The following OSBPL7 variants were observed in gnomAD, a reference collection of about 807,000 sequenced individuals.
OSBPL7 encodes the protein oxysterol binding protein like 7.
A neutral mutation model predicts 115.8 loss-of-function variants in OSBPL7; 66 were observed. That is an observed-to-expected ratio of 0.57 (90% CI 0.47 to 0.70). The LOEUF is 0.70. Among genes scored for constraint, OSBPL7 ranks in the 30% least tolerant of loss-of-function variants. The pLI, the probability that OSBPL7 is intolerant of heterozygous loss-of-function variation, is 0.00. For synonymous variants in OSBPL7, 441 were observed against 439.2 expected (o/e 1.00, Z -0.05); for missense variants, 902 against 1,125.5 (o/e 0.80, Z 2.84).
At position 47,813,832 on chromosome 17, in the gene OSBPL7, C is replaced by A. The variant is rs1401437832; in HGVS notation, c.1354G>T (p.Gly452Trp). Residue 452 changes from glycine to tryptophan, a missense_variant and splice_region_variant, in exon 15 of 23, where the codon GGG (glycine) becomes TGG (tryptophan). By Grantham distance (184) the Gly-to-Trp change is radical. This residue lies in a region of OSBPL7 where 667 missense variants were observed against 788.7 expected (regional missense o/e 0.85). Transcript: ENST00000007414. ...LRGAERCQKG[G>W]CVPGRPMGPP... ...CCCATGGGTCTCCCTGGAACACACC[C>A]CCCTGGGGCCGCCCTGCCATGTCAC... 1.9e-6 allele frequency: 3 copies of A among 1,605,860 alleles called. No individual in the cohort carries two copies. The highest frequency in any genetic ancestry group is 2.2e-5 in the East Asian group (1 of 44,766).
At chr17:47,821,377 C>T (rs2033390233) in intron 1 of OSBPL7, among the ~76,000 whole-genome samples, 1 of 152,172 alleles carries the variant, frequency 6.6e-6, no homozygotes, top group African/African-American at 2.4e-5. Flanking sequence ...GCAGAGGGAC[C>T]CTTGCTGCAA....
intron 1 of OSBPL7, among the ~76,000 whole-genome samples, chr17:47,821,058 G>T (rs1207068218): frequency 6.6e-6 from 1 of 152,134 alleles, no homozygotes; most frequent in East Asian, 1.9e-4. Context: ...CCCAGAGAGG[G>T]CAGGACATTG....
chr17:47,813,502 C>G (rs2033110286), intron 15 of OSBPL7, 85 bp downstream of exon 15: 2 of 1,588,454 alleles, frequency 1.3e-6, no homozygotes, highest in Non-Finnish European at 1.7e-6. Context: ...CAATAAGGAA[C>G]AGCCCAGCCA....
Position 47,819,723 on chromosome 17 carries a change from G to A in OSBPL7, c.255+6C>T, listed in dbSNP as rs773987715. ...CCCACAACCCCAAGCCACTGCCCGG[G>A]CTCACGTCTTGCCGGGTTGTTGCAT... On this transcript the variant is annotated splice_donor_region_variant and intron_variant, in intron 4 of 22. Transcript: ENST00000007414. The A allele has an allele frequency of 6.2e-7, 1 of 1,614,062 alleles. No homozygotes were observed. The highest frequency in any genetic ancestry group is 8.5e-7 in the Non-Finnish European group (1 of 1,179,996).
At chr17:47,817,547 G>C (rs1314638192) in intron 7 of OSBPL7, among the ~76,000 whole-genome samples, 188 bp from the exon 8 acceptor site, 1 of 152,048 alleles carries the variant, frequency 6.6e-6, no homozygotes, top group Non-Finnish European at 1.5e-5. Context: ...GCACCACCAT[G>C]CCTGGCTAAT....
Position 47,817,248 on chromosome 17 carries a change from G to A in OSBPL7, c.702+8C>T, listed in dbSNP as rs1459695451. ...GAGCAGGACCCTGTGTGTACCCCTGGATCTTACCTGGTGTGTGGGGATAAC... is the reference window on the plus strand; with the variant it reads ...GAGCAGGACCCTGTGTGTACCCCTGAATCTTACCTGGTGTGTGGGGATAAC... On this transcript the variant is annotated splice_region_variant and intron_variant, in intron 8 of 22. Coordinates refer to ENST00000007414, the MANE Select transcript of OSBPL7 (RefSeq NM_145798.3). 6.3e-7 allele frequency: 1 copy of A among 1,582,700 alleles called. No homozygotes were observed. Among genetic ancestry groups the A allele is most frequent in the Non-Finnish European group, 8.6e-7 (1 of 1,169,496 alleles).
chr17:47,815,066 A>G, intron 13 of OSBPL7, 149 bp downstream of exon 13: 1 of 1,104,850 alleles, frequency 9.1e-7, no homozygotes, highest in Admixed American at 2.4e-5. Flanking sequence ...GCTGGGCCAC[A>G]CAAACTCAGC....
chr17:47,816,656 A>G lies in OSBPL7; in HGVS notation c.835T>C (p.Tyr279His), dbSNP rs1273279763. Residue 279 changes from tyrosine (Y) to histidine (H), a missense_variant, in exon 10 of 23, where the codon TAC (tyrosine) becomes CAC (histidine). Physicochemically the swap from Tyr to His is moderately conservative, Grantham distance 83. This residue lies in a region of OSBPL7 where 667 missense variants were observed against 788.7 expected (regional missense o/e 0.85). Coordinates refer to ENST00000007414, the MANE Select transcript of OSBPL7 (RefSeq NM_145798.3). This position sits in a 1 kb window ranked among gnomAD's most constrained non-coding sequence, Gnocchi z 5.8. Reference sequence around the variant, plus strand: ...CCCGAGGAGTCCCGAGACTCCAGGTAGCGAGACAGGTTGGGAACAGAGCCA... The same window carrying G: ...CCCGAGGAGTCCCGAGACTCCAGGTGGCGAGACAGGTTGGGAACAGAGCCA... Reference protein sequence around the residue: ...LHGSVPNLSRYLESRDSSGTR... With the variant: ...LHGSVPNLSRHLESRDSSGTR... 1.2e-6 allele frequency: 2 copies of G among 1,614,058 alleles called. No homozygotes were observed. Among genetic ancestry groups the G allele is most frequent in the Admixed American group, 1.7e-5 (1 of 60,032 alleles).
At chr17:47,815,178 C>T in intron 13 of OSBPL7, 37 bp downstream of exon 13, 1 of 1,596,288 alleles carries the variant, frequency 6.3e-7, no homozygotes, top group Non-Finnish European at 8.6e-7. Context: ...AAGGTCCCCC[C>T]TACCCCGCCT....
At position 47,807,642 on chromosome 17, in the gene OSBPL7, T is replaced by C. The variant is rs1180148514; in HGVS notation, c.*649A>G. ...CTCCTCATGGAGAGGCCTCCTCCACTCTGGGGGATCCGCTGAGCTGAGACG... is the reference window on the plus strand; with the variant it reads ...CTCCTCATGGAGAGGCCTCCTCCACCCTGGGGGATCCGCTGAGCTGAGACG... On this transcript the variant is annotated 3_prime_UTR_variant, in exon 23 of 23. Coordinates refer to ENST00000007414, the MANE Select transcript of OSBPL7 (RefSeq NM_145798.3). The C allele has an allele frequency of 6.5e-6, 1 of 153,630 alleles. No individual in the cohort carries two copies. Among genetic ancestry groups the C allele is most frequent in the Non-Finnish European group, 1.4e-5 (1 of 69,070 alleles). 9.5% of individuals were successfully genotyped at this position (153,630 alleles called of 1,614,324 possible). A position where few individuals can be genotyped will look rare whatever the true frequency, so the allele number is the denominator to read the frequency against.
chr17:47,812,222 C>T (rs547956423), intron 16 of OSBPL7, among the ~76,000 whole-genome samples: 1 of 152,314 alleles, frequency 6.6e-6, no homozygotes, highest in Admixed American at 6.5e-5. Context: ...GTCTCGGGAA[C>T]CTTCCTCACG....
chr17:47,814,287 C>T (rs534259175), intron 14 of OSBPL7, among the ~76,000 whole-genome samples: 30 of 152,338 alleles, frequency 2.0e-4, no homozygotes, highest in African/African-American at 6.7e-4. Flanking sequence ...CCTAGGCAAG[C>T]CTGCTGCAAC....
chr17:47,817,151 G>C, intron 8 of OSBPL7, 105 bp downstream of exon 8: 1 of 921,550 alleles, frequency 1.1e-6, no homozygotes, highest in Admixed American at 2.5e-5. Context: ...GGCGATGCAT[G>C]GCTCTCCAGG....
chr17:47,818,857 G>A, intron 5 of OSBPL7, 129 bp downstream of exon 5: 1 of 898,422 alleles, frequency 1.1e-6, no homozygotes. Context: ...TTACAGGATG[G>A]AAACTTACTT....
chr17:47,814,424 A>C, intron 14 of OSBPL7, 97 bp downstream of exon 14: 1 of 1,154,606 alleles, frequency 8.7e-7, no homozygotes, highest in Non-Finnish European at 1.3e-6. Context: ...CCCATCAGTC[A>C]CCACAAGGGA....
intron 4 of OSBPL7, 134 bp downstream of exon 4, chr17:47,819,595 C>A (rs531740508): frequency 1.8e-5 from 19 of 1,066,610 alleles, no homozygotes; most frequent in Non-Finnish European, 2.5e-5. Flanking sequence ...GTAACTTGCC[C>A]GAGATCACAC....
In OSBPL7 at chr17:47,809,134, C is replaced by G. The variant is rs1219895245; in HGVS notation, c.2112G>C (p.Lys704Asn). 2 of 1,614,080 alleles carry G rather than the reference C, an allele frequency of 1.2e-6. No homozygotes were observed. The highest frequency in any genetic ancestry group is 1.3e-5 in the African/African-American group (1 of 74,928). ...GTCCCCGGTACAGCCCCTCGTGCCA[C>G]TTCCCAAAGAGTCGGTGGAGGACAC... ...SGRVLHRLFG[K>N]WHEGLYRGPT... The change falls in exon 20 of 23, where the codon AAG (lysine) becomes AAC (asparagine). Residue 704 changes from lysine (K) to asparagine (N), a missense_variant. By Grantham distance (94) the Lys-to-Asn change is moderately conservative. This residue lies in a region of OSBPL7 where 230 missense variants were observed against 312.7 expected (regional missense o/e 0.74). Transcript: ENST00000007414.
At chr17:47,810,859 T>A (rs770779770) in intron 16 of OSBPL7, 24 bp from the exon 17 acceptor site, 2 of 1,610,504 alleles carry the variant, frequency 1.2e-6, no homozygotes. Flanking sequence ...GAAGTTATCT[T>A]GAGGCTGTCC....
chr17:47,814,430 A>G lies in OSBPL7; in HGVS notation c.1351+91T>C, dbSNP rs73319718. 3,422 of 1,235,226 alleles carry G rather than the reference A, an allele frequency of 2.8e-3. 76 individuals carry two copies. In the African/African-American group the frequency reaches 0.044, roughly 16 times the overall value. The allele number at this position is 1,235,226 out of a possible 1,614,324, so 76.5% of individuals were successfully genotyped here. A position where few individuals can be genotyped will look rare whatever the true frequency, so the allele number is the denominator to read the frequency against. ...AGCCACTAGCCCATCAGTCACCACA[A>G]GGGATGGCCTTTGCATGGGCCTGGG... On this transcript the variant is annotated intron_variant, in intron 14 of 22. Coordinates refer to ENST00000007414, the MANE Select transcript of OSBPL7 (RefSeq NM_145798.3).
Sources: gnomAD v4.1 joint callset for allele counts (sites outside exome capture counted in the v4.1 genomes callset) on GRCh38, gnomAD v4.1.1 for gene constraint, gnomAD v4.1.1 regional missense constraint, Gnocchi (gnomAD v3.1) non-coding constraint, MANE v1.5 for transcripts, NCBI Gene and HGNC (gene_info 2026-07-23, HGNC 2026-07-21) for gene names.